Variants in TMC1 observed in about 807,000 individuals in gnomAD.
TMC1 encodes transmembrane channel like 1.
A neutral mutation model predicts 105.8 loss-of-function variants in TMC1; 84 were observed. The ratio of observed to expected loss-of-function variants is 0.79; its 90% confidence interval spans 0.67 to 0.95. The LOEUF is 0.95. Ranked by LOEUF, TMC1 falls within the 40% of genes least tolerant of loss-of-function variation. The pLI is 0.00. For missense variants in TMC1, 817 were observed against 914.1 expected (o/e 0.89, Z 1.37); for synonymous variants, 315 against 311.5 (o/e 1.01, Z -0.12).
At chr9:72,628,427 T>C (rs1825387982) in intron 4 of TMC1, 1 of 195,506 alleles carries the variant, frequency 5.1e-6, no homozygotes, top group Non-Finnish European at 1.1e-5. Context: ...AAGGCACACA[T>C]GAATCATGGC....
chr9:72,676,528 C>T (rs1037248150), intron 5 of TMC1, among the ~76,000 whole-genome samples: 37 of 152,092 alleles, frequency 2.4e-4, no homozygotes, highest in African/African-American at 8.9e-4. Flanking sequence ...CAATTCCTTC[C>T]TTTCACTAAG....
chr9:72,621,312 A>G (rs1347977367), intron 3 of TMC1, among the ~76,000 whole-genome samples: 1 of 152,194 alleles, frequency 6.6e-6, no homozygotes, highest in African/African-American at 2.4e-5. Context: ...GGATCAAGCT[A>G]CTATTTATTG....
chr9:72,608,536 A>G (rs907145988), intron 2 of TMC1, among the ~76,000 whole-genome samples: 5 of 151,832 alleles, frequency 3.3e-5, no homozygotes, highest in African/African-American at 1.2e-4. Context: ...ATGAAACCCC[A>G]TCTCTACTAA....
At chr9:72,805,224 A>AT in intron 17 of TMC1, 158 bp from the exon 18 acceptor site, 1 of 592,636 alleles carries the variant, frequency 1.7e-6, no homozygotes, top group Non-Finnish European at 2.9e-6. Flanking sequence ...AGGGTGAAAT[A>AT]TTTTTTATTT....
At chr9:72,695,330 C>T (rs898962797) in intron 7 of TMC1, among the ~76,000 whole-genome samples, 7 of 152,218 alleles carry the variant, frequency 4.6e-5, no homozygotes, top group East Asian at 1.9e-4. Context: ...TTTTAGTAAA[C>T]GCTGACTTTG....
intron 11 of TMC1, among the ~76,000 whole-genome samples, chr9:72,752,749 C>T (rs1344263371): frequency 6.6e-6 from 1 of 152,134 alleles, no homozygotes; most frequent in Non-Finnish European, 1.5e-5. Context: ...AAATTTGGTC[C>T]ATACAGCATT....
At chr9:72,829,633 G>A (rs751610506) in intron 21 of TMC1, among the ~76,000 whole-genome samples, 4 of 152,228 alleles carry the variant, frequency 2.6e-5, no homozygotes, top group Admixed American at 6.5e-5. Flanking sequence ...CAGCCAAACC[G>A]TATCAATAAT....
At chr9:72,796,586 G>A (rs574922170) in intron 17 of TMC1, among the ~76,000 whole-genome samples, 1 of 152,230 alleles carries the variant, frequency 6.6e-6, no homozygotes, top group African/African-American at 2.4e-5. Flanking sequence ...AACAATAAAT[G>A]TGATTCATCA....
At chr9:72,824,679 T>A (rs1179105617) in intron 20 of TMC1, among the ~76,000 whole-genome samples, 1 of 152,034 alleles carries the variant, frequency 6.6e-6, no homozygotes, top group African/African-American at 2.4e-5. Flanking sequence ...TTTGTGAGTA[T>A]GCAAAAAAGG....
At chr9:72,680,653 T>C (rs1204228934) in intron 5 of TMC1, among the ~76,000 whole-genome samples, 1 of 152,124 alleles carries the variant, frequency 6.6e-6, no homozygotes, top group Non-Finnish European at 1.5e-5. Flanking sequence ...CCTTTTTCTC[T>C]TTGTCTCTCT....
At chr9:72,726,654 A>C (rs1317079914) in intron 8 of TMC1, among the ~76,000 whole-genome samples, 2 of 152,242 alleles carry the variant, frequency 1.3e-5, no homozygotes, top group Non-Finnish European at 2.9e-5. Context: ...CTGAAATGCC[A>C]TCGTTTAAAA....
At chr9:72,593,547 C>T (rs1824671121) in intron 2 of TMC1, among the ~76,000 whole-genome samples, 1 of 140,398 alleles carries the variant, frequency 7.1e-6, no homozygotes, top group Admixed American at 7.2e-5. Context: ...CATGCACCAC[C>T]ACACCTGGCT....
chr9:72,741,841 CT>C (rs968653297), intron 9 of TMC1, among the ~76,000 whole-genome samples: 1 of 152,104 alleles, frequency 6.6e-6, no homozygotes, highest in Admixed American at 6.5e-5. Context: ...GAAAGAAGGC[CT>C]TTTGCAAAAT....
chr9:72,595,848 G>A (rs562386646), intron 2 of TMC1, among the ~76,000 whole-genome samples: 6 of 136,358 alleles, frequency 4.4e-5, no homozygotes, highest in Admixed American at 7.4e-5. Flanking sequence ...GCTAATTTTC[G>A]TATTTTTAGT....
intron 15 of TMC1, among the ~76,000 whole-genome samples, chr9:72,791,565 A>C (rs1448598850): frequency 2.0e-5 from 3 of 152,180 alleles, no homozygotes; most frequent in African/African-American, 7.2e-5. Flanking sequence ...GTGCATCACC[A>C]TATCAGAATC....
chr9:72,525,975 G>A (rs1391235443), intron 1 of TMC1, among the ~76,000 whole-genome samples: 4 of 145,550 alleles, frequency 2.7e-5, no homozygotes, highest in East Asian at 2.0e-4. Context: ...ATGACAGAGT[G>A]AGACTCCGTC....
chr9:72,615,367 A>G (rs1259353866), intron 2 of TMC1, among the ~76,000 whole-genome samples: 2 of 152,158 alleles, frequency 1.3e-5, no homozygotes, highest in African/African-American at 4.8e-5. Context: ...CAGACAATTT[A>G]ATTTTAGAGC....
At chr9:72,698,010 A>C (rs1826579380) in intron 7 of TMC1, among the ~76,000 whole-genome samples, 1 of 152,134 alleles carries the variant, frequency 6.6e-6, no homozygotes, top group Admixed American at 6.6e-5. Context: ...CTCCTAAGAC[A>C]AACTAACCCA....
chr9:72,775,908 C>T (rs1474147115), intron 13 of TMC1, among the ~76,000 whole-genome samples: 3 of 152,058 alleles, frequency 2.0e-5, no homozygotes, highest in Admixed American at 6.6e-5. Context: ...AGCCAGCTCT[C>T]GTGGGAGCTA....
Sources: gnomAD v4.1 joint callset for allele counts (sites outside exome capture counted in the v4.1 genomes callset) on GRCh38, gnomAD v4.1.1 for gene constraint, MANE v1.5 for transcripts, NCBI Gene and HGNC (gene_info 2026-07-23, HGNC 2026-07-21) for gene names.